Variants in XPO4 observed in about 807,000 individuals in gnomAD.
XPO4 encodes exportin 4.
XPO4 carries 39 observed loss-of-function variants against 143.0 expected under a neutral mutation model. The observed-to-expected ratio is 0.27, with a 90% CI of 0.21 to 0.36. The LOEUF (loss-of-function observed/expected upper bound fraction) is 0.36, where lower values mean the gene tolerates loss of function less well. Among genes scored for constraint, XPO4 ranks in the 10% least tolerant of loss-of-function variants. The pLI is 1.00. For synonymous variants in XPO4, 439 were observed against 474.0 expected (o/e 0.93, Z 0.96); for missense variants, 907 against 1,348.0 (o/e 0.67, Z 5.12).
chr13:20,851,515 C>G lies in XPO4; in HGVS notation c.456+4112G>C, dbSNP rs1043706947. The G allele has an allele frequency of 3.6e-6, 3 of 821,984 alleles. No homozygotes were observed. In the African/African-American group the frequency reaches 5.6e-5, roughly 15 times the overall value. The allele number at this position is 821,984 out of a possible 1,614,324, so 50.9% of individuals were successfully genotyped here. A position where few individuals can be genotyped will look rare whatever the true frequency, so the allele number is the denominator to read the frequency against. On this transcript the variant is annotated intron_variant, in intron 4 of 22. Coordinates refer to ENST00000255305, the MANE Select transcript of XPO4 (RefSeq NM_022459.5). The stretch of plus-strand genomic sequence containing the variant: ...CTTGAGCCTGGAAGTTTGAGACCAG[C>G]TTGGGCAACATAGCAAAACCCTGTC...
intron 3 of XPO4, among the ~76,000 whole-genome samples, chr13:20,858,676 C>T (rs2060167584): frequency 6.6e-6 from 1 of 151,958 alleles, no homozygotes; most frequent in Non-Finnish European, 1.5e-5. Context: ...TCGAGACCAG[C>T]CTGGCCAAAA....
At chr13:20,873,594 A>C (rs1813865532) in intron 1 of XPO4, among the ~76,000 whole-genome samples, 1 of 152,182 alleles carries the variant, frequency 6.6e-6, no homozygotes, top group Admixed American at 6.6e-5. Flanking sequence ...TTTCCTCAAA[A>C]CAGTCAGGAA....
chr13:20,817,338 C>G (rs1334883310), intron 9 of XPO4, among the ~76,000 whole-genome samples: 4 of 152,198 alleles, frequency 2.6e-5, no homozygotes, highest in African/African-American at 9.7e-5. Flanking sequence ...ATGCTGACCT[C>G]TAAATACACT....
chr13:20,782,383 C>T lies in XPO4; in HGVS notation c.*1339G>A, dbSNP rs2059152627. Reference sequence around the variant, plus strand: ...GCTGTGTATAAATTAGCTTTCATTTCCACATTGTAAGCTGGCACACTGAAT... The same window carrying T: ...GCTGTGTATAAATTAGCTTTCATTTTCACATTGTAAGCTGGCACACTGAAT... On this transcript the variant is annotated 3_prime_UTR_variant, in exon 23 of 23. Coordinates refer to ENST00000255305, the MANE Select transcript of XPO4 (RefSeq NM_022459.5). 1 of 152,336 alleles carries T rather than the reference C, an allele frequency of 6.6e-6. No homozygotes were observed. The highest frequency in any genetic ancestry group is 2.4e-5 in the African/African-American group (1 of 41,436). The allele number at this position is 152,336 out of a possible 1,614,324, so 9.4% of individuals were successfully genotyped here.
At chr13:20,796,312 A>T (rs930312567) in intron 17 of XPO4, 56 bp from the exon 18 acceptor site, 99 of 1,301,512 alleles carry the variant, frequency 7.6e-5, no homozygotes, top group Admixed American at 1.5e-4. Flanking sequence ...CATTAAAAAA[A>T]TTTTAAAATA....
rs769943924 is a variant in XPO4 at position 20,783,760 on chromosome 13, A to G, written c.3418T>C (p.Phe1140Leu). The G allele has an allele frequency of 3.1e-6, 5 of 1,614,108 alleles. No individual in the cohort carries two copies. Among genetic ancestry groups the G allele is most frequent in the Non-Finnish European group, 4.2e-6 (5 of 1,180,038 alleles). Residue 1140 changes from phenylalanine to leucine, a missense_variant, in exon 23 of 23, where the codon TTT becomes CTT. Transcript: ENST00000255305. ...AGGAGACCACCAACATTTGCCATAA[A>G]TTCTTCTAAACTCTTTAAGAAGGCC... ...KMAFLKSLEE[F>L]MANVGGLLCV...
At chr13:20,807,115 C>A (rs537881312) in intron 13 of XPO4, among the ~76,000 whole-genome samples, 2 of 152,216 alleles carry the variant, frequency 1.3e-5, no homozygotes, top group African/African-American at 4.8e-5. Context: ...TCATCTGGTT[C>A]CCTTCATTTA....
At chr13:20,798,528 A>G (rs753338606) in intron 16 of XPO4, among the ~76,000 whole-genome samples, 3 of 152,338 alleles carry the variant, frequency 2.0e-5, no homozygotes, top group Non-Finnish European at 4.4e-5. Context: ...AGACAGGAGA[A>G]TATTTCCCTG....
At chr13:20,893,585 G>A (rs1004271112) in intron 1 of XPO4, among the ~76,000 whole-genome samples, 7 of 151,876 alleles carry the variant, frequency 4.6e-5, no homozygotes, top group Admixed American at 2.0e-4. Context: ...GTGAAACCCC[G>A]TCTCTACTAA....
At position 20,852,061 on chromosome 13, in the gene XPO4, G is replaced by A. The variant is rs374646152; in HGVS notation, c.456+3566C>T. ...GGACTCTTGACCCTTCGCCTGCGCC[G>A]TCCCAGTGCCAACAAGCTACTTGTA... On this transcript the variant is annotated intron_variant, in intron 4 of 22. Transcript: ENST00000255305. 513 of 985,370 alleles carry A rather than the reference G, an allele frequency of 5.2e-4. 2 individuals are homozygous for A. The African/African-American group carries it at 6.8e-3, about 13-fold the overall frequency. The allele number at this position is 985,370 out of a possible 1,614,324, so 61.0% of individuals were successfully genotyped here. A position where few individuals can be genotyped will look rare whatever the true frequency, so the allele number is the denominator to read the frequency against.
At chr13:20,818,803 C>A (rs1345544361) in intron 9 of XPO4, among the ~76,000 whole-genome samples, 2 of 151,882 alleles carry the variant, frequency 1.3e-5, no homozygotes, top group African/African-American at 2.4e-5. Flanking sequence ...GTACACTATA[C>A]ACGTCCCCCT....
chr13:20,875,009 T>C (rs2060338326), intron 1 of XPO4, among the ~76,000 whole-genome samples: 1 of 151,962 alleles, frequency 6.6e-6, no homozygotes, highest in South Asian at 2.1e-4. Context: ...AAAAATTCTG[T>C]TCTTTATAAA....
At chr13:20,901,085 G>A (rs538656246) in intron 1 of XPO4, among the ~76,000 whole-genome samples, 1 of 152,306 alleles carries the variant, frequency 6.6e-6, no homozygotes, top group African/African-American at 2.4e-5. Context: ...CAGCCATTTA[G>A]TAATCGTGTA....
intron 6 of XPO4, 129 bp downstream of exon 6, chr13:20,842,766 T>C (rs1055757036): frequency 8.2e-6 from 7 of 857,362 alleles, no homozygotes; most frequent in Non-Finnish European, 1.2e-5. Context: ...TTAAATTCTA[T>C]TTCTTAAAAA....
intron 1 of XPO4, among the ~76,000 whole-genome samples, chr13:20,891,122 T>TAAAAA (rs57528913): frequency 1.7e-4 from 15 of 86,010 alleles, no homozygotes; most frequent in East Asian, 1.4e-3. Context: ...CATCTCAATT[T>TAAAAA]AAAAAAAAAA....
chr13:20,799,400 C>A, intron 15 of XPO4, 61 bp from the exon 16 acceptor site: 1 of 1,328,444 alleles, frequency 7.5e-7, no homozygotes, highest in Non-Finnish European at 1.0e-6. Context: ...CACACATACA[C>A]ATATACACAC....
intron 6 of XPO4, among the ~76,000 whole-genome samples, chr13:20,831,404 C>T (rs1055735424): frequency 6.6e-6 from 1 of 152,036 alleles, no homozygotes; most frequent in Non-Finnish European, 1.5e-5. Flanking sequence ...TATGTCACCA[C>T]GAAAGAACAG....
rs9552285 is a variant in XPO4, at chr13:20,809,225, T to C, written c.1351A>G (p.Thr451Ala). 9.3e-4 allele frequency: 1,499 copies of C among 1,612,708 alleles called. 30 individuals carry two copies. The East Asian group carries it at 0.032, about 34-fold the overall frequency. Reference protein sequence around the residue: ...LAAPDGTRNLTANGVASREEE... With the variant: ...LAAPDGTRNLAANGVASREEE... ...TCACGAGAGGCCACACCATTGGCAGTCTATTGCAAGTAAAAGAAATAAACA... is the reference window on the plus strand; with the variant it reads ...TCACGAGAGGCCACACCATTGGCAGCCTATTGCAAGTAAAAGAAATAAACA... Residue 451 changes from threonine (T) to alanine (A), a missense_variant and splice_region_variant, in exon 11 of 23, where the codon ACT becomes GCT. Thr to Ala is a moderately conservative substitution (Grantham distance 58). Coordinates refer to ENST00000255305, the MANE Select transcript of XPO4 (RefSeq NM_022459.5).
At chr13:20,800,791 AT>A in intron 14 of XPO4, 39 bp downstream of exon 14, 1 of 1,598,564 alleles carries the variant, frequency 6.3e-7, no homozygotes, top group Non-Finnish European at 8.5e-7. Flanking sequence ...AACTGCTATC[AT>A]CATAAATCCA....
Sources: gnomAD v4.1 joint callset for allele counts (sites outside exome capture counted in the v4.1 genomes callset) on GRCh38, gnomAD v4.1.1 for gene constraint, MANE v1.5 for transcripts, NCBI Gene and HGNC (gene_info 2026-07-23, HGNC 2026-07-21) for gene names.